The following WDR70 variants were observed in gnomAD, a reference collection of about 807,000 sequenced individuals.
WDR70 encodes the protein WD repeat-containing protein 70.
Under a neutral mutation model 88.6 loss-of-function variants are expected in WDR70, and 53 were observed. The observed-to-expected ratio is 0.60, with a 90% CI of 0.48 to 0.75. WDR70 has a LOEUF of 0.75. Among genes scored for constraint, WDR70 ranks in the 30% least tolerant of loss-of-function variants. The pLI is 0.00. For synonymous variants in WDR70, 280 were observed against 270.0 expected (o/e 1.04, Z -0.36); for missense variants, 610 against 823.2 (o/e 0.74, Z 3.17).
At chr5:37,513,573 G>A (rs1175386421) in intron 8 of WDR70, among the ~76,000 whole-genome samples, 2 of 152,094 alleles carry the variant, frequency 1.3e-5, no homozygotes, top group Admixed American at 1.3e-4. Flanking sequence ...ATACATACAG[G>A]GGAGTTGATC....
chr5:37,624,640 T>A (rs1401379986), intron 10 of WDR70, among the ~76,000 whole-genome samples: 1 of 152,182 alleles, frequency 6.6e-6, no homozygotes, highest in East Asian at 1.9e-4. Flanking sequence ...AGAAAAGGCA[T>A]ACAGATTTAT....
chr5:37,626,428 G>A (rs1744667350), intron 10 of WDR70, among the ~76,000 whole-genome samples: 1 of 152,154 alleles, frequency 6.6e-6, no homozygotes, highest in African/African-American at 2.4e-5. Flanking sequence ...ATTTGTATAT[G>A]TTGAGACATC....
rs193120585 is a variant in WDR70, at chr5:37,620,552, A to T, written c.1092+15314A>T. Among the ~76,000 whole-genome samples, 4 of 152,336 alleles carry T rather than the reference A, an allele frequency of 2.6e-5. No homozygotes were observed. The East Asian group carries it at 7.7e-4, about 29-fold the overall frequency. ...ACTATACACATATCTTTGCATGGAC[A>T]CACAGGCATATATGAAACTGAAAAA... On this transcript the variant is annotated intron_variant, in intron 10 of 17. Coordinates refer to ENST00000265107, the MANE Select transcript of WDR70 (RefSeq NM_018034.4).
chr5:37,558,775 G>T (rs1561901163), intron 9 of WDR70, among the ~76,000 whole-genome samples: 1 of 151,924 alleles, frequency 6.6e-6, no homozygotes, highest in Non-Finnish European at 1.5e-5. Context: ...AAGCAGGTTG[G>T]GTGGCTCCAC....
chr5:37,448,986 C>T (rs1738580738), intron 7 of WDR70, among the ~76,000 whole-genome samples: 1 of 152,184 alleles, frequency 6.6e-6, no homozygotes, highest in African/African-American at 2.4e-5. Flanking sequence ...CTTATTACAT[C>T]ATATCGGGGT....
At chr5:37,664,518 T>A (rs1184795395) in intron 10 of WDR70, among the ~76,000 whole-genome samples, 1 of 152,252 alleles carries the variant, frequency 6.6e-6, no homozygotes, top group Non-Finnish European at 1.5e-5. Flanking sequence ...TCCAGCATCC[T>A]CACCAGGCTT....
At chr5:37,390,308 C>T (rs1748771816) in intron 3 of WDR70, among the ~76,000 whole-genome samples, 2 of 149,360 alleles carry the variant, frequency 1.3e-5, no homozygotes, top group Admixed American at 1.3e-4. Flanking sequence ...AAAAGAATGG[C>T]TACTTTATAG....
chr5:37,531,596 T>C (rs1008707941), intron 9 of WDR70, among the ~76,000 whole-genome samples: 10 of 148,998 alleles, frequency 6.7e-5, no homozygotes, highest in East Asian at 5.8e-4. Flanking sequence ...TCTTTTTTTT[T>C]TTTTTTTTTT....
intron 5 of WDR70, among the ~76,000 whole-genome samples, chr5:37,402,178 G>A (rs1749216512): frequency 6.6e-6 from 1 of 152,018 alleles, no homozygotes; most frequent in Admixed American, 6.6e-5. Flanking sequence ...ATGAGAACAT[G>A]TGGTATTTAT....
chr5:37,496,272 C>G (rs1040912712), intron 8 of WDR70, among the ~76,000 whole-genome samples: 1 of 152,192 alleles, frequency 6.6e-6, no homozygotes, highest in East Asian at 1.9e-4. Context: ...CCCCTTCCAC[C>G]TTGTGGAAGC....
At chr5:37,592,464 G>A (rs1013834057) in intron 9 of WDR70, among the ~76,000 whole-genome samples, 3 of 152,006 alleles carry the variant, frequency 2.0e-5, no homozygotes, top group African/African-American at 7.3e-5. Context: ...GTAAAAAAAA[G>A]TAATGTGTTC....
Position 37,745,897 on chromosome 5 carries a change from C to T in WDR70, c.1878-6589C>T, listed in dbSNP as rs142649147. ...AGAAAATTAACAAGGAAATTCAGGACTTGAACTCAGCTCTCGATCAAATGG... is the reference window on the plus strand; with the variant it reads ...AGAAAATTAACAAGGAAATTCAGGATTTGAACTCAGCTCTCGATCAAATGG... On this transcript the variant is annotated intron_variant, in intron 17 of 17. Transcript: ENST00000265107. Among the ~76,000 whole-genome samples the T allele has an allele frequency of 6.3e-3, 955 of 152,238 alleles. 13 individuals are homozygous for T. The highest frequency in any genetic ancestry group is 0.022 in the African/African-American group (912 of 41,550).
chr5:37,710,100 G>A (rs1254907647), intron 13 of WDR70, among the ~76,000 whole-genome samples: 1 of 152,008 alleles, frequency 6.6e-6, no homozygotes, highest in African/African-American at 2.4e-5. Flanking sequence ...AGATTTCTTG[G>A]TGGTTTAACT....
At chr5:37,662,329 T>C (rs1745723662) in intron 10 of WDR70, among the ~76,000 whole-genome samples, 1 of 152,184 alleles carries the variant, frequency 6.6e-6, no homozygotes, top group South Asian at 2.1e-4. Flanking sequence ...AGAAAATGTT[T>C]TCCAGGATAA....
intron 9 of WDR70, among the ~76,000 whole-genome samples, chr5:37,564,307 C>T (rs1307434721): frequency 2.0e-5 from 3 of 152,222 alleles, no homozygotes; most frequent in Admixed American, 6.5e-5. Flanking sequence ...GCAGATCACT[C>T]GTGGTTAGGA....
intron 9 of WDR70, among the ~76,000 whole-genome samples, chr5:37,571,794 T>C (rs975092847): frequency 1.3e-5 from 2 of 152,208 alleles, no homozygotes; most frequent in African/African-American, 2.4e-5. Flanking sequence ...CTACACCTGT[T>C]CTGACATTTT....
intron 8 of WDR70, among the ~76,000 whole-genome samples, chr5:37,496,585 A>T (rs1177367192): frequency 6.6e-6 from 1 of 152,210 alleles, no homozygotes; most frequent in Non-Finnish European, 1.5e-5. Flanking sequence ...TGTCTTCTGC[A>T]ATAGGGGTAG....
At chr5:37,488,706 C>T (rs570862836) in intron 8 of WDR70, among the ~76,000 whole-genome samples, 1 of 151,820 alleles carries the variant, frequency 6.6e-6, no homozygotes, top group South Asian at 2.1e-4. Flanking sequence ...TTTTCTGGTT[C>T]CTTTGTATTG....
intron 10 of WDR70, among the ~76,000 whole-genome samples, chr5:37,690,422 T>A (rs563065808): frequency 6.6e-6 from 1 of 152,158 alleles, no homozygotes; most frequent in East Asian, 1.9e-4. Flanking sequence ...TTCACCAAGC[T>A]TGAAATGAAG....
Sources: gnomAD v4.1 joint callset for allele counts (sites outside exome capture counted in the v4.1 genomes callset) on GRCh38, gnomAD v4.1.1 for gene constraint, MANE v1.5 for transcripts, NCBI Gene and HGNC (gene_info 2026-07-23, HGNC 2026-07-21) for gene names.